Variants in LMO7 observed in about 807,000 individuals in gnomAD.
The protein encoded by LMO7 is LIM domain only protein 7.
LMO7 carries 120 observed loss-of-function variants against 206.5 expected under a neutral mutation model. That is an observed-to-expected ratio of 0.58 (90% CI 0.50 to 0.68). The LOEUF is 0.68. LMO7 is among the 30% of genes least tolerant of loss of function. LMO7 has a pLI of 0.00. For missense variants in LMO7, 1,959 were observed against 1,957.9 expected (o/e 1.00, Z -0.01); for synonymous variants, 706 against 681.5 (o/e 1.04, Z -0.56).
At chr13:75,720,714 T>C (rs1321311578) in intron 2 of LMO7, among the ~76,000 whole-genome samples, 1 of 152,214 alleles carries the variant, frequency 6.6e-6, no homozygotes, top group African/African-American at 2.4e-5. Context: ...AGTTCCATCA[T>C]AAGAAAGTGA....
intron 3 of LMO7, among the ~76,000 whole-genome samples, chr13:75,750,895 G>C (rs1452978383): frequency 6.6e-6 from 1 of 152,174 alleles, no homozygotes; most frequent in Non-Finnish European, 1.5e-5. Context: ...TCCCTCTCAT[G>C]AGTTTGACTG....
chr13:75,719,933 CTG>C (rs555957162), intron 2 of LMO7, among the ~76,000 whole-genome samples: 148 of 152,266 alleles, frequency 9.7e-4, no homozygotes, highest in Admixed American at 2.4e-3. Flanking sequence ...TTCAAAATGT[CTG>C]TACCATTTTG....
intron 1 of LMO7, among the ~76,000 whole-genome samples, chr13:75,696,358 A>AAAAC (rs201276341): frequency 2.0e-4 from 27 of 137,914 alleles, no homozygotes; most frequent in Admixed American, 5.1e-4. Flanking sequence ...CCATCTCAAA[A>AAAAC]AAACAAACAA....
intron 5 of LMO7, 80 bp from the exon 6 acceptor site, chr13:75,796,556 A>G: frequency 2.7e-6 from 2 of 749,886 alleles, no homozygotes; most frequent in Non-Finnish European, 4.7e-6. Context: ...TCATTTATCT[A>G]CAGTACTCAC....
At chr13:75,660,665 T>C (rs1452212946) in intron 1 of LMO7, among the ~76,000 whole-genome samples, 1 of 152,192 alleles carries the variant, frequency 6.6e-6, no homozygotes, top group Non-Finnish European at 1.5e-5. Flanking sequence ...ATTCTTCTGC[T>C]TACCAGAGGC....
At chr13:75,632,861 A>ATTTTTTTTTTTTTTTTTTTTTT (rs1339104269), upstream of LMO7, among the ~76,000 whole-genome samples, 3 of 30,546 alleles carry the variant, frequency 9.8e-5, no homozygotes, top group Non-Finnish European at 2.3e-4. Context: ...ATTACTTAAA[A>ATTTTTTTTTTTTTTTTTTTTTT]GTTTTTTTTT....
chr13:75,659,641 C>T (rs1374055760), intron 1 of LMO7, among the ~76,000 whole-genome samples: 1 of 152,136 alleles, frequency 6.6e-6, no homozygotes, highest in Non-Finnish European at 1.5e-5. Context: ...AATTACCTCC[C>T]CCTGGGTCCC....
At chr13:75,720,521 G>T (rs2043933370) in intron 2 of LMO7, among the ~76,000 whole-genome samples, 3 of 152,234 alleles carry the variant, frequency 2.0e-5, no homozygotes, top group South Asian at 4.2e-4. Flanking sequence ...AGGGTGTAAG[G>T]TCTGTGTCTA....
At chr13:75,820,997 CAAAA>C (rs33919449) in intron 13 of LMO7, among the ~76,000 whole-genome samples, 176 bp from the exon 14 acceptor site, 5 of 126,786 alleles carry the variant, frequency 3.9e-5, no homozygotes, top group African/African-American at 3.0e-5. Flanking sequence ...GATTCGGTCT[CAAAA>C]AAAAAAAAAA....
At chr13:75,676,335 T>C (rs1296972597) in intron 1 of LMO7, among the ~76,000 whole-genome samples, 3 of 152,210 alleles carry the variant, frequency 2.0e-5, no homozygotes, top group Admixed American at 6.5e-5. Flanking sequence ...TCTATGATTG[T>C]TAATATAACT....
At chr13:75,635,033 C>A (rs879700334), upstream of LMO7, among the ~76,000 whole-genome samples, 20 of 137,204 alleles carry the variant, frequency 1.5e-4, no homozygotes, top group East Asian at 2.5e-3. Context: ...CAAAACAAAA[C>A]AAAACAAAAA....
chr13:75,673,570 G>C (rs2039768913), intron 1 of LMO7, among the ~76,000 whole-genome samples: 1 of 152,096 alleles, frequency 6.6e-6, no homozygotes, highest in Admixed American at 6.6e-5. Flanking sequence ...ACTGAGGATG[G>C]ACCTGGGACC....
chr13:75,646,429 T>G (rs1016914281), intron 1 of LMO7, among the ~76,000 whole-genome samples: 3 of 152,174 alleles, frequency 2.0e-5, no homozygotes, highest in Admixed American at 6.5e-5. Context: ...TTCCATTACA[T>G]TAAGAATAAA....
chr13:75,785,643 T>G (rs548158093), intron 4 of LMO7, among the ~76,000 whole-genome samples: 1 of 152,310 alleles, frequency 6.6e-6, no homozygotes, highest in East Asian at 1.9e-4. Flanking sequence ...TCTCATAATT[T>G]CAATTTGCTA....
At chr13:75,792,933 A>T (rs143611858) in intron 4 of LMO7, among the ~76,000 whole-genome samples, 17 of 152,290 alleles carry the variant, frequency 1.1e-4, no homozygotes, top group African/African-American at 3.8e-4. Flanking sequence ...TTGTATTTCC[A>T]ATGATTGTTT....
chr13:75,679,544 C>A (rs1029065555), intron 1 of LMO7, among the ~76,000 whole-genome samples: 2 of 152,184 alleles, frequency 1.3e-5, no homozygotes, highest in African/African-American at 4.8e-5. Flanking sequence ...CTGGCTCCTA[C>A]CCTGGACACA....
intron 1 of LMO7, among the ~76,000 whole-genome samples, chr13:75,669,014 A>G (rs927297593): frequency 6.6e-6 from 1 of 152,166 alleles, no homozygotes; most frequent in African/African-American, 2.4e-5. Context: ...AAGGAGGAAT[A>G]TTTTGACTGA....
intron 1 of LMO7, among the ~76,000 whole-genome samples, chr13:75,649,857 G>GATA (rs2037391192): frequency 6.6e-6 from 1 of 152,200 alleles, no homozygotes; most frequent in Non-Finnish European, 1.5e-5. Flanking sequence ...CTCTGTTTTA[G>GATA]AAACACTTGA....
At chr13:75,635,466 C>A (rs970535921), upstream of LMO7, among the ~76,000 whole-genome samples, 2 of 152,198 alleles carry the variant, frequency 1.3e-5, no homozygotes, top group Non-Finnish European at 2.9e-5. Flanking sequence ...GCACACCTAC[C>A]CAGGGCCGCG....
Sources: allele counts gnomAD v4.1 joint callset (sites outside exome capture counted in the v4.1 genomes callset), GRCh38; gene constraint gnomAD v4.1.1; transcripts MANE v1.5; gene names NCBI Gene and HGNC (gene_info 2026-07-23, HGNC 2026-07-21).